Variants in TFB1M observed in about 807,000 individuals in gnomAD.
TFB1M encodes the protein transcription factor B1, mitochondrial, also known as dimethyladenosine transferase 1, mitochondrial.
A neutral mutation model predicts 31.1 loss-of-function variants in TFB1M; 27 were observed. The observed-to-expected ratio is 0.87, with a 90% CI of 0.64 to 1.20. The LOEUF (loss-of-function observed/expected upper bound fraction) is 1.20. Among genes scored for constraint, TFB1M ranks in the 50% most tolerant of loss-of-function variants. The pLI, the probability that TFB1M is intolerant of heterozygous loss-of-function variation, is 0.00. For synonymous variants in TFB1M, 166 were observed against 151.8 expected, an observed-to-expected ratio of 1.09 and a Z score of -0.69; for missense variants, 394 against 418.7, an observed-to-expected ratio of 0.94 and a Z score of 0.51.
intron 2 of TFB1M, among the ~76,000 whole-genome samples, chr6:155,306,850 G>A (rs1411544351): frequency 6.6e-6 from 1 of 152,148 alleles, no homozygotes; most frequent in African/African-American, 2.4e-5. Context: ...ACTGGACGCG[G>A]TGGCTCTTGC....
chr6:155,244,166 G>A, the TFB1M span: 1 of 1,269,624 alleles, frequency 7.9e-7, no homozygotes, highest in South Asian at 1.2e-5. Flanking sequence ...GAGTATCTCT[G>A]TTGATCCCAA....
the TFB1M span, among the ~76,000 whole-genome samples, chr6:155,241,531 C>T: frequency 1.3e-5 from 2 of 152,122 alleles, no homozygotes; most frequent in African/African-American, 2.4e-5. Flanking sequence ...CCAACTCTGA[C>T]GTGCTGGGTC....
At chr6:155,253,681 T>C (rs559871260), downstream of TFB1M, 15 of 285,278 alleles carry the variant, frequency 5.3e-5, no homozygotes, top group African/African-American at 2.4e-4. Context: ...GCAAAGGAGG[T>C]TGAAGAATAG....
At chr6:155,301,052 G>A (rs1014965917) in intron 2 of TFB1M, among the ~76,000 whole-genome samples, 11 of 152,088 alleles carry the variant, frequency 7.2e-5, no homozygotes, top group Non-Finnish European at 1.5e-4. Context: ...TGATCTGCCC[G>A]CCTTGGCCTC....
Position 155,260,420 on chromosome 6 carries a change from A to G in TFB1M, c.667-20T>C, listed in dbSNP as rs1165488174. 2 of 1,614,150 alleles carry G rather than the reference A, an allele frequency of 1.2e-6. No individual in the cohort carries two copies. Among genetic ancestry groups the G allele is most frequent in the Non-Finnish European group, 1.7e-6 (2 of 1,180,008 alleles). On this transcript the variant is annotated intron_variant, in intron 5 of 6. Coordinates refer to ENST00000367166, the MANE Select transcript of TFB1M (RefSeq NM_016020.4). Reference sequence around the variant, plus strand: ...GTCCACCTTCGTTGTAAGCAAACATATTATCATTCTGTGGCATGATATGTG... The same window carrying G: ...GTCCACCTTCGTTGTAAGCAAACATGTTATCATTCTGTGGCATGATATGTG...
At chr6:155,241,141 G>A in the TFB1M span, among the ~76,000 whole-genome samples, 33 of 152,314 alleles carry the variant, frequency 2.2e-4, no homozygotes, top group Non-Finnish European at 3.7e-4. Context: ...GGTTGTCATC[G>A]TGTAGAACTG....
the TFB1M span, among the ~76,000 whole-genome samples, chr6:155,231,559 A>G: frequency 1.3e-5 from 2 of 151,700 alleles, no homozygotes; most frequent in African/African-American, 4.8e-5. Flanking sequence ...TTCCTTCTCC[A>G]CTCCACGGAG....
rs758792405 is a variant in TFB1M, at chr6:155,312,207, TCAA to T, written c.134-871_134-869del. Among the ~76,000 whole-genome samples, 12 of 152,326 alleles carry T rather than the reference TCAA, an allele frequency of 7.9e-5. No homozygotes were observed. The South Asian group carries it at 1.9e-3, about 24-fold the overall frequency. ...TTCACAGTCCTATTTTTGCTTGTTT[TCAA>T]CAACATAACTTTGTCAGCTAAAATG... On this transcript the variant is annotated intron_variant, in intron 1 of 6. Coordinates refer to ENST00000367166, the MANE Select transcript of TFB1M (RefSeq NM_016020.4).
chr6:155,243,059 A>G, the TFB1M span, among the ~76,000 whole-genome samples: 5 of 152,150 alleles, frequency 3.3e-5, no homozygotes, highest in South Asian at 8.3e-4. Context: ...TCAAATTATT[A>G]AACAAAATCT....
At chr6:155,234,425 C>G in the TFB1M span, among the ~76,000 whole-genome samples, 120 of 152,344 alleles carry the variant, frequency 7.9e-4, no homozygotes, top group African/African-American at 2.7e-3. Flanking sequence ...TGTGCCACCA[C>G]AGCCAGCTAA....
chr6:155,256,980 T>A lies in TFB1M; in HGVS notation c.*856A>T. The A allele has an allele frequency of 6.2e-7, 1 of 1,614,158 alleles. No individual in the cohort carries two copies. The highest frequency in any genetic ancestry group is 8.5e-7 in the Non-Finnish European group (1 of 1,180,016). ...GAACTTTGCTCAAGGCGCAGATCCG[T>A]CACCAGTCCCTTGACAGTCAGTCTG... On this transcript the variant is annotated 3_prime_UTR_variant, in exon 7 of 7. Transcript: ENST00000367166.
chr6:155,249,447 C>T, the TFB1M span, among the ~76,000 whole-genome samples: 1 of 152,192 alleles, frequency 6.6e-6, no homozygotes, highest in Non-Finnish European at 1.5e-5. Context: ...CTCTCTGGAA[C>T]TCTGGCAGAA....
At chr6:155,250,685 G>C in the TFB1M span, 1 of 1,433,622 alleles carries the variant, frequency 7.0e-7, no homozygotes, top group Non-Finnish European at 9.5e-7. Flanking sequence ...ACATGTGCGT[G>C]CACTGGAGCA....
At chr6:155,250,558 G>C in the TFB1M span, 10 of 1,535,976 alleles carry the variant, frequency 6.5e-6, no homozygotes, top group Non-Finnish European at 8.7e-6. Context: ...GGAGCTCAGA[G>C]GTGATGGATG....
chr6:155,232,115 T>G, the TFB1M span, among the ~76,000 whole-genome samples: 1 of 151,866 alleles, frequency 6.6e-6, no homozygotes, highest in Non-Finnish European at 1.5e-5. Context: ...AAACAAAAAC[T>G]GGGGAAGTAG....
chr6:155,254,476 C>T (rs766023103), downstream of TFB1M: 41 of 1,614,000 alleles, frequency 2.5e-5, no homozygotes, highest in Middle Eastern at 1.6e-4. Flanking sequence ...TGAGGGAGAA[C>T]TTCAGGCGTC....
downstream of TFB1M, chr6:155,254,329 G>A (rs2115365805): frequency 6.5e-7 from 1 of 1,533,112 alleles, no homozygotes; most frequent in Non-Finnish European, 8.9e-7. Flanking sequence ...GGTCCAGCAG[G>A]TGCAAGGCAC....
At position 155,257,083 on chromosome 6, in the gene TFB1M, G is replaced by T; in HGVS notation, c.*753C>A. 1 of 1,612,786 alleles carries T rather than the reference G, an allele frequency of 6.2e-7. No individual in the cohort carries two copies. Among genetic ancestry groups the T allele is most frequent in the Middle Eastern group, 1.7e-4 (1 of 6,060 alleles). ...GAGTTTAACATCTGTTGTCAGTGAGGAGTGTTTTTATGAAACAGAGAGCCA... is the reference window on the plus strand; with the variant it reads ...GAGTTTAACATCTGTTGTCAGTGAGTAGTGTTTTTATGAAACAGAGAGCCA... On this transcript the variant is annotated 3_prime_UTR_variant, in exon 7 of 7. Coordinates refer to ENST00000367166, the MANE Select transcript of TFB1M (RefSeq NM_016020.4).
intron 5 of TFB1M, among the ~76,000 whole-genome samples, chr6:155,283,627 T>G (rs1776486534): frequency 6.6e-6 from 1 of 152,192 alleles, no homozygotes; most frequent in Non-Finnish European, 1.5e-5. Flanking sequence ...AAAACAGAGT[T>G]AGAAAGCTTC....
Sources: allele counts gnomAD v4.1 joint callset (sites outside exome capture counted in the v4.1 genomes callset), GRCh38; gene constraint gnomAD v4.1.1; transcripts MANE v1.5; gene names NCBI Gene and HGNC (gene_info 2026-07-23, HGNC 2026-07-21).